Variants in CEACAM18 observed in about 807,000 individuals in gnomAD.
CEACAM18 encodes CEA cell adhesion molecule 18.
A neutral mutation model predicts 34.3 loss-of-function variants in CEACAM18; 33 were observed. The ratio of observed to expected loss-of-function variants is 0.96; its 90% CI spans 0.73 to 1.29. The LOEUF (loss-of-function observed/expected upper bound fraction) is 1.29, where lower values mean the gene tolerates loss of function less well. CEACAM18 is among the 50% of genes most tolerant of loss of function. CEACAM18 has a pLI of 0.00. For missense variants in CEACAM18, 474 were observed against 485.0 expected (o/e 0.98, Z 0.21); for synonymous variants, 169 against 180.9 (o/e 0.93, Z 0.53).
chr19:51,485,344 T>A lies in CEACAM18; in HGVS notation c.1089+222T>A, dbSNP rs80141169. On this transcript the variant is annotated intron_variant, in intron 5 of 5. Coordinates refer to ENST00000396477, the Ensembl canonical transcript of CEACAM18. ...GCCATGGTTCTAAATAGCTGTGGGG[T>A]TTCTTCTAGCAACTTCCCTTCTCTT... Among the ~76,000 whole-genome samples, 320 of 151,960 alleles carry A rather than the reference T, an allele frequency of 2.1e-3. 5 individuals are homozygous for A. In the East Asian group the frequency reaches 0.032, roughly 15 times the overall value.
rs796616972 is a variant in CEACAM18 at position 51,484,397 on chromosome 19, G to C, written c.954-590G>C. Reference sequence around the variant, plus strand: ...GTGCAATCTCTGCTCACTGCAACCTGCACCTCCCGGACTCAAGTGATTCTC... The same window carrying C: ...GTGCAATCTCTGCTCACTGCAACCTCCACCTCCCGGACTCAAGTGATTCTC... On this transcript the variant is annotated intron_variant, in intron 4 of 5. Transcript: ENST00000396477. 2.0e-4 allele frequency among the ~76,000 whole-genome samples: 30 copies of C among 151,340 alleles called. No homozygotes were observed. In the South Asian group the frequency reaches 2.5e-3, roughly 13 times the overall value.
At chr19:51,479,303 A>G (rs561190864) in intron 1 of CEACAM18, among the ~76,000 whole-genome samples, 5 of 152,324 alleles carry the variant, frequency 3.3e-5, no homozygotes, top group Admixed American at 1.3e-4. Context: ...AGGGCAGTGG[A>G]CAACTGCCCA....
At chr19:51,481,445 C>A (rs1475940216) in exon 3 of CEACAM18, 1 of 1,613,884 alleles carries the variant, frequency 6.2e-7, no homozygotes, top group African/African-American at 1.3e-5. Context: ...TGGTGGAGAA[C>A]ATGGATTCTG....
intron 4 of CEACAM18, among the ~76,000 whole-genome samples, chr19:51,484,348 C>G (rs1377979287): frequency 6.7e-6 from 1 of 150,184 alleles, no homozygotes; most frequent in Non-Finnish European, 1.5e-5. Flanking sequence ...GAGTCTCGCT[C>G]TGTTGCCCAG....
chr19:51,484,342 C>A (rs1384711420), intron 4 of CEACAM18, among the ~76,000 whole-genome samples: 2 of 149,000 alleles, frequency 1.3e-5, no homozygotes, highest in Non-Finnish European at 3.0e-5. Context: ...TTAACAGAGT[C>A]TCGCTCTGTT....
chr19:51,491,286 G>C (rs143214995), downstream of CEACAM18: 12 of 179,980 alleles, frequency 6.7e-5, no homozygotes, highest in East Asian at 1.8e-3. Flanking sequence ...ACATTATTCT[G>C]TTATTTGGAA....
chr19:51,483,800 G>A (rs1692995462), intron 4 of CEACAM18, among the ~76,000 whole-genome samples: 1 of 152,246 alleles, frequency 6.6e-6, no homozygotes. Context: ...GACGGGATGG[G>A]TGGACGGGGA....
At chr19:51,490,632 A>G (rs1242042761) in exon 6 of CEACAM18, 7 of 1,232,402 alleles carry the variant, frequency 5.7e-6, no homozygotes, top group Non-Finnish European at 7.1e-6. Flanking sequence ...TGAGGACAAG[A>G]CCAGAAGGGC....
At chr19:51,484,737 T>C (rs1989972357) in intron 4 of CEACAM18, among the ~76,000 whole-genome samples, 1 of 101,148 alleles carries the variant, frequency 9.9e-6, no homozygotes, top group Non-Finnish European at 2.4e-5. Flanking sequence ...TATTCACTTA[T>C]GGTTGCTTGC....
At chr19:51,488,489 T>C (rs1990039282) in intron 5 of CEACAM18, among the ~76,000 whole-genome samples, 1 of 152,206 alleles carries the variant, frequency 6.6e-6, no homozygotes, top group Non-Finnish European at 1.5e-5. Flanking sequence ...GCTCCTTTGC[T>C]AAGGGACCAT....
intron 1 of CEACAM18, among the ~76,000 whole-genome samples, chr19:51,479,703 G>A (rs1054285186): frequency 6.6e-6 from 1 of 152,222 alleles, no homozygotes; most frequent in Non-Finnish European, 1.5e-5. Flanking sequence ...CAAGGAGGGT[G>A]CAGATGGAGA....
At chr19:51,480,223 A>T (rs1599941721) in intron 1 of CEACAM18, 110 bp from the exon 2 acceptor site, 3 of 893,586 alleles carry the variant, frequency 3.4e-6, no homozygotes, top group African/African-American at 1.7e-5. Flanking sequence ...TGCCTGGTTC[A>T]CCAGCGTCTC....
intron 1 of CEACAM18, among the ~76,000 whole-genome samples, chr19:51,479,995 A>G (rs1989881527): frequency 6.6e-6 from 1 of 152,160 alleles, no homozygotes; most frequent in Non-Finnish European, 1.5e-5. Flanking sequence ...GTATCCTAAG[A>G]GCACTGGGGA....
chr19:51,481,673 G>T lies in CEACAM18; in HGVS notation c.673+8G>T. ...TCTCTCTGACTGTGGCCTGTGAGTGGTCTGGGCTCCTGGGACTGAAGCCAG... is the reference window on the plus strand; with the variant it reads ...TCTCTCTGACTGTGGCCTGTGAGTGTTCTGGGCTCCTGGGACTGAAGCCAG... On this transcript the variant is annotated splice_region_variant and intron_variant, in intron 3 of 5. Coordinates refer to ENST00000396477, the Ensembl canonical transcript of CEACAM18. 6.2e-7 allele frequency: 1 copy of T among 1,607,072 alleles called. No homozygotes were observed. The highest frequency in any genetic ancestry group is 8.5e-7 in the Non-Finnish European group (1 of 1,174,948).
intron 5 of CEACAM18, among the ~76,000 whole-genome samples, chr19:51,489,173 G>C (rs1339616367): frequency 6.8e-6 from 1 of 146,292 alleles, no homozygotes; most frequent in Non-Finnish European, 1.5e-5. Context: ...ATCATCCAAA[G>C]TGAAATTTTG....
chr19:51,485,602 C>T (rs746340971), intron 5 of CEACAM18, among the ~76,000 whole-genome samples: 3 of 152,174 alleles, frequency 2.0e-5, no homozygotes, highest in Non-Finnish European at 2.9e-5. Flanking sequence ...GGTCACTTCT[C>T]CTCATAGCTC....
chr19:51,486,710 C>CTTTTTTT (rs1327201659), intron 5 of CEACAM18, among the ~76,000 whole-genome samples: 25 of 144,426 alleles, frequency 1.7e-4, no homozygotes, highest in African/African-American at 4.9e-4. Flanking sequence ...TTCTTTCTTT[C>CTTTTTTT]TTTCTTTTCT....
At chr19:51,480,983 T>C (rs1243900731) in intron 2 of CEACAM18, among the ~76,000 whole-genome samples, 4 of 152,180 alleles carry the variant, frequency 2.6e-5, no homozygotes, top group Admixed American at 6.5e-5. Flanking sequence ...GAACCCACCA[T>C]TGTGGTTTGT....
intron 3 of CEACAM18, among the ~76,000 whole-genome samples, chr19:51,482,266 T>C (rs143137934): frequency 2.6e-5 from 4 of 152,312 alleles, no homozygotes; most frequent in Non-Finnish European, 5.9e-5. Flanking sequence ...TCGAATACGC[T>C]GAACTTATAA....
Sources: gnomAD v4.1 joint callset for allele counts (sites outside exome capture counted in the v4.1 genomes callset) on GRCh38, gnomAD v4.1.1 for gene constraint, MANE v1.5 for transcripts, NCBI Gene and HGNC (gene_info 2026-07-23, HGNC 2026-07-21) for gene names.